The following PANK2 variants were observed in gnomAD, a reference collection of about 807,000 sequenced individuals.
PANK2 encodes the protein pantothenate kinase 2, mitochondrial.
PANK2 carries 36 observed loss-of-function variants against 43.1 expected under a neutral mutation model. The observed-to-expected ratio is 0.84, with a 90% CI of 0.64 to 1.10. The LOEUF (loss-of-function observed/expected upper bound fraction) is 1.10. Among genes scored for constraint, PANK2 ranks in the 50% least tolerant of loss-of-function variants. The probability of loss-of-function intolerance (pLI) is 0.00; values close to 1 mark genes in which losing one functional copy is unlikely to be tolerated. For synonymous variants in PANK2, 281 were observed against 238.2 expected, an observed-to-expected ratio of 1.18 and a Z score of -1.66; for missense variants, 576 against 593.3, an observed-to-expected ratio of 0.97 and a Z score of 0.30.
At position 3,917,011 on chromosome 20, in the gene PANK2, C is replaced by T. The variant is rs776309099; in HGVS notation, c.1167C>T (p.Asn389=). 19 of 1,613,872 alleles carry T rather than the reference C, an allele frequency of 1.2e-5. No homozygotes were observed. In the Middle Eastern group the frequency reaches 4.9e-4, roughly 42 times the overall value. ...GAGCGACTTTGATCACCATCACCAA[C>T]AACATTGGCTCAATAGCAAGAATGT... is the stretch of plus-strand genomic sequence containing the variant. The change falls in exon 5 of 7, where the codon AAC becomes AAT. Residue 389 remains asparagine (N), a synonymous_variant. Coordinates refer to ENST00000610179, the MANE Select transcript of PANK2 (RefSeq NM_001386393.1).
chr20:3,918,362 GTTT>G (rs71331080), intron 5 of PANK2, among the ~76,000 whole-genome samples: 1 of 150,956 alleles, frequency 6.6e-6, no homozygotes, highest in Non-Finnish European at 1.5e-5. Context: ...GAGTCATACT[GTTT>G]TTTTTTGTTT....
At chr20:3,903,461 T>C (rs2090337475) in intron 1 of PANK2, among the ~76,000 whole-genome samples, 1 of 144,912 alleles carries the variant, frequency 6.9e-6, no homozygotes, top group Non-Finnish European at 1.5e-5. Flanking sequence ...TTTTTTCTTC[T>C]TTTCCTTTTT....
At chr20:3,913,504 T>C (rs1313361212) in intron 4 of PANK2, among the ~76,000 whole-genome samples, 2 of 151,846 alleles carry the variant, frequency 1.3e-5, no homozygotes, top group Non-Finnish European at 2.9e-5. Flanking sequence ...CCACCAAGCC[T>C]GGCTAATTTT....
At chr20:3,911,249 T>C (rs4815628) in intron 3 of PANK2, among the ~76,000 whole-genome samples, 78,852 of 152,066 alleles carry the variant, frequency 0.52, 20,888 homozygotes, top group East Asian at 0.66. Context: ...GAAGTTGATA[T>C]GTACTGATCA....
At chr20:3,909,807 T>C (rs905707703) in intron 2 of PANK2, among the ~76,000 whole-genome samples, 1 of 151,516 alleles carries the variant, frequency 6.6e-6, no homozygotes, top group Non-Finnish European at 1.5e-5. Context: ...TTGGCCAGGC[T>C]GATCTTGAAC....
chr20:3,920,768 C>T (rs567504413), intron 6 of PANK2, among the ~76,000 whole-genome samples: 18 of 152,150 alleles, frequency 1.2e-4, no homozygotes, highest in Admixed American at 4.6e-4. Flanking sequence ...TCTCTTGAAC[C>T]CGGGAGGCAG....
intron 5 of PANK2, chr20:3,917,473 C>A (rs775263484): frequency 1.1e-5 from 6 of 534,792 alleles, no homozygotes; most frequent in African/African-American, 3.8e-5. Flanking sequence ...TTGGCTCCCC[C>A]ACCTCAGCAG....
intron 4 of PANK2, among the ~76,000 whole-genome samples, chr20:3,914,083 CT>C (rs2090521211): frequency 6.6e-6 from 1 of 151,972 alleles, no homozygotes; most frequent in South Asian, 2.1e-4. Flanking sequence ...GCCACTGCGC[CT>C]GGCCTGCACA....
intron 1 of PANK2, among the ~76,000 whole-genome samples, chr20:3,891,076 G>A (rs2090115292): frequency 6.6e-6 from 1 of 152,242 alleles, no homozygotes; most frequent in East Asian, 1.9e-4. Context: ...TTGAGACAGC[G>A]TCTTGTTCTG....
At chr20:3,921,971 C>T (rs1174267561) in intron 6 of PANK2, 19 of 152,210 alleles carry the variant, frequency 1.2e-4, no homozygotes, top group Admixed American at 1.2e-3. Flanking sequence ...CTTGGCCTCC[C>T]GAAGTGCTGG....
chr20:3,921,100 C>T (rs554207585), intron 6 of PANK2, among the ~76,000 whole-genome samples: 10 of 152,152 alleles, frequency 6.6e-5, no homozygotes, highest in South Asian at 2.1e-4. Flanking sequence ...GTGCACAACG[C>T]GCAGGTTTGT....
chr20:3,911,583 C>CAAAA (rs11414834), intron 3 of PANK2, among the ~76,000 whole-genome samples: 9 of 145,918 alleles, frequency 6.2e-5, no homozygotes, highest in African/African-American at 2.0e-4. Context: ...GACTCCGTCT[C>CAAAA]AAAAAAAAAA....
In PANK2 at chr20:3,891,771, A is replaced by G. The variant is rs141253994; in HGVS notation, c.298+2043A>G. ...TACAGGTGACTCAAAGACCACACTC[A>G]GAAAAACCGGTTTACACTGGGTGGG... On this transcript the variant is annotated intron_variant, in intron 1 of 6. Coordinates refer to ENST00000610179, the MANE Select transcript of PANK2 (RefSeq NM_001386393.1). Among the ~76,000 whole-genome samples, 1,062 of 152,322 alleles carry G rather than the reference A, an allele frequency of 7.0e-3. 7 individuals carry two copies. The highest frequency in any genetic ancestry group is 0.012 in the Non-Finnish European group (811 of 68,028).
intron 1 of PANK2, among the ~76,000 whole-genome samples, chr20:3,906,673 A>G (rs1396812606): frequency 2.0e-5 from 3 of 152,122 alleles, no homozygotes; most frequent in Admixed American, 6.5e-5. Flanking sequence ...AAAACAATAA[A>G]TACTTGAAGT....
intron 2 of PANK2, among the ~76,000 whole-genome samples, chr20:3,910,261 C>G (rs1284772598): frequency 2.0e-5 from 3 of 149,842 alleles, no homozygotes; most frequent in Non-Finnish European, 3.0e-5. Context: ...AAGCAGAGAT[C>G]TGAATTTCTG....
chr20:3,913,383 G>A (rs975994704), intron 4 of PANK2, among the ~76,000 whole-genome samples: 4 of 151,660 alleles, frequency 2.6e-5, no homozygotes, highest in Non-Finnish European at 5.9e-5. Context: ...TACTCTTTTT[G>A]CCCAGGCTGG....
chr20:3,898,153 T>C (rs1029395590), intron 1 of PANK2, among the ~76,000 whole-genome samples: 8 of 150,820 alleles, frequency 5.3e-5, no homozygotes, highest in African/African-American at 1.7e-4. Flanking sequence ...GAATCTCTTT[T>C]GGCTATGGCC....
intron 1 of PANK2, among the ~76,000 whole-genome samples, chr20:3,892,909 A>G (rs537785716): frequency 1.2e-4 from 19 of 152,076 alleles, no homozygotes; most frequent in Non-Finnish European, 2.5e-4. Context: ...AGGCATGTGT[A>G]TATTTAAGTT....
At chr20:3,893,306 A>G (rs1600489979) in intron 1 of PANK2, among the ~76,000 whole-genome samples, 1 of 152,202 alleles carries the variant, frequency 6.6e-6, no homozygotes, top group Non-Finnish European at 1.5e-5. Flanking sequence ...GATGTAATCC[A>G]GAGCTGTGGT....
Sources: allele counts gnomAD v4.1 joint callset (sites outside exome capture counted in the v4.1 genomes callset), GRCh38; gene constraint gnomAD v4.1.1; transcripts MANE v1.5; gene names NCBI Gene and HGNC (gene_info 2026-07-23, HGNC 2026-07-21).